The following FBN1 variants were observed in gnomAD, a reference collection of about 807,000 sequenced individuals.
FBN1 encodes fibrillin 1.
FBN1 carries 29 observed loss-of-function variants against 365.1 expected under a neutral mutation model. The ratio of observed to expected loss-of-function variants is 0.08; its 90% CI spans 0.06 to 0.11. The LOEUF is 0.11. Among genes scored for constraint, FBN1 ranks in the 10% least tolerant of loss-of-function variants. FBN1 has a pLI of 1.00. For missense variants in FBN1, 2,476 were observed against 3,703.2 expected (o/e 0.67, Z 8.60); for synonymous variants, 1,210 against 1,270.5 (o/e 0.95, Z 1.01).
Position 48,470,654 on chromosome 15 carries a change from C to G in FBN1, c.4439G>C (p.Arg1480Thr). Residue 1480 changes from arginine to threonine, a missense_variant, in exon 36 of 66, where the codon AGA (arginine) becomes ACA (threonine). Physicochemically the swap from Arg to Thr is moderately conservative, Grantham distance 71 (BLOSUM62 -1). Around this residue, in one of 5 missense-constraint regions of FBN1, gnomAD observed 1,780 missense variants for 2,840.8 expected, o/e 0.63. Transcript: ENST00000316623. ...CECEIGYELD[R>T]SGGNCTDVNE... Reference sequence around the variant, plus strand: ...CTTACCTGTGCAGTTCCCGCCGCTTCTGTCCAGTTCGTAGCCTATCTCACA... The same window carrying G: ...CTTACCTGTGCAGTTCCCGCCGCTTGTGTCCAGTTCGTAGCCTATCTCACA... The G allele has an allele frequency of 5.6e-6, 9 of 1,614,118 alleles. No homozygotes were observed. The highest frequency in any genetic ancestry group is 7.6e-6 in the Non-Finnish European group (9 of 1,180,022).
intron 6 of FBN1, among the ~76,000 whole-genome samples, chr15:48,542,364 GACAA>G (rs1028919442): frequency 4.1e-4 from 62 of 152,210 alleles, no homozygotes; most frequent in African/African-American, 1.4e-3. Context: ...TCATAAAAAT[GACAA>G]ACAAAAGAAT....
intron 32 of FBN1, among the ~76,000 whole-genome samples, 198 bp downstream of exon 32, chr15:48,481,457 A>G (rs2043464104): frequency 6.6e-6 from 1 of 152,208 alleles, no homozygotes; most frequent in South Asian, 2.1e-4. Flanking sequence ...ACAGGTCAAG[A>G]AAAAAACCTG....
intron 15 of FBN1, 102 bp downstream of exon 15, chr15:48,508,480 C>T: frequency 6.5e-7 from 1 of 1,532,730 alleles, no homozygotes. Context: ...ATTCAAGGTA[C>T]TTTAAGTGGG....
rs149873013 is a variant in FBN1, at chr15:48,516,203, T to A, written c.1307A>T (p.Tyr436Phe). Residue 436 changes from tyrosine (Y) to phenylalanine (F), a missense_variant, in exon 11 of 66, where the codon TAT becomes TTT. Coordinates refer to ENST00000316623, the MANE Select transcript of FBN1 (RefSeq NM_000138.5). ...PVPRPPVEYL[Y>F]PSREPPRVLP... ...CTTACTTGGTGGCTCCCGAGATGGATACAGATATTCCACTGGTGGTCGAGG... is the reference window on the plus strand; with the variant it reads ...CTTACTTGGTGGCTCCCGAGATGGAAACAGATATTCCACTGGTGGTCGAGG... 1.2e-6 allele frequency: 2 copies of A among 1,613,504 alleles called. No individual in the cohort carries two copies. The highest frequency in any genetic ancestry group is 2.7e-5 in the African/African-American group (2 of 74,800).
chr15:48,463,252 G>A lies in FBN1; in HGVS notation c.5066-12C>T, dbSNP rs531105331. 1.2e-4 allele frequency: 190 copies of A among 1,612,506 alleles called. No individual in the cohort carries two copies. Among genetic ancestry groups the A allele is most frequent in the Non-Finnish European group, 1.5e-4 (179 of 1,179,202 alleles). On this transcript the variant is annotated splice_polypyrimidine_tract_variant and intron_variant, in intron 41 of 65. Transcript: ENST00000316623. ...ACTTCTTCTCATATCTAGAAGGGAG[G>A]TAAAAAAAAGGATTGGAGGGTTGGT...
At chr15:48,478,567 A>AC (rs35181691) in intron 32 of FBN1, among the ~76,000 whole-genome samples, 13,510 of 152,164 alleles carry the variant, frequency 0.089, 1,375 homozygotes, top group East Asian at 0.32. Flanking sequence ...ATCAAAGATG[A>AC]CACCTAGCAG....
chr15:48,436,727 G>C (rs1381140848), intron 53 of FBN1, among the ~76,000 whole-genome samples: 4 of 152,110 alleles, frequency 2.6e-5, no homozygotes, highest in Non-Finnish European at 5.9e-5. Flanking sequence ...AGGCTGTAAG[G>C]TCCATGAAAG....
intron 6 of FBN1, among the ~76,000 whole-genome samples, chr15:48,546,357 T>C (rs1266180608): frequency 6.6e-6 from 1 of 152,216 alleles, no homozygotes; most frequent in African/African-American, 2.4e-5. Flanking sequence ...GTAAAAGTTA[T>C]CAGAAAAGAC....
chr15:48,643,078 C>T (rs190500984), intron 2 of FBN1: 34 of 152,312 alleles, frequency 2.2e-4, no homozygotes, highest in East Asian at 1.2e-3. Context: ...TAAATCCCCA[C>T]GTCCTTTATA....
At chr15:48,628,966 A>C (rs955664045) in intron 2 of FBN1, among the ~76,000 whole-genome samples, 1 of 152,248 alleles carries the variant, frequency 6.6e-6, no homozygotes, top group East Asian at 1.9e-4. Context: ...ATTCACAACA[A>C]ATACAGGGGA....
chr15:48,424,905 T>C (rs577834905), intron 60 of FBN1, among the ~76,000 whole-genome samples: 3 of 152,296 alleles, frequency 2.0e-5, no homozygotes, highest in Non-Finnish European at 4.4e-5. Flanking sequence ...AAATAGACTT[T>C]TTCTGCAGAA....
chr15:48,532,335 C>T (rs1314633889), intron 8 of FBN1, among the ~76,000 whole-genome samples: 3 of 152,072 alleles, frequency 2.0e-5, no homozygotes, highest in African/African-American at 7.2e-5. Context: ...CTGAGAAAGC[C>T]TAAAAGATAA....
chr15:48,610,310 G>T (rs572338971), intron 4 of FBN1, among the ~76,000 whole-genome samples: 27 of 152,252 alleles, frequency 1.8e-4, no homozygotes, highest in African/African-American at 6.3e-4. Flanking sequence ...TTGTAAAGCA[G>T]GGGTCTTGAG....
intron 5 of FBN1, among the ~76,000 whole-genome samples, chr15:48,598,819 G>C (rs948951999): frequency 6.6e-6 from 1 of 152,210 alleles, no homozygotes; most frequent in South Asian, 2.1e-4. Context: ...CAGTTTGGCT[G>C]TGTCACCACC....
intron 2 of FBN1, among the ~76,000 whole-genome samples, chr15:48,615,549 T>C (rs556448220): frequency 6.6e-6 from 1 of 152,228 alleles, no homozygotes; most frequent in East Asian, 1.9e-4. Context: ...TTTACTATAG[T>C]TACAAAAGAA....
At chr15:48,584,261 T>C (rs1009100531) in intron 6 of FBN1, among the ~76,000 whole-genome samples, 1 of 152,146 alleles carries the variant, frequency 6.6e-6, no homozygotes, top group African/African-American at 2.4e-5. Flanking sequence ...AAACTGTGCC[T>C]GAGAGACATG....
chr15:48,543,963 A>G (rs1262808948), intron 6 of FBN1, among the ~76,000 whole-genome samples: 1 of 151,862 alleles, frequency 6.6e-6, no homozygotes, highest in East Asian at 1.9e-4. Context: ...TATATTTTAC[A>G]TATTCTATAT....
chr15:48,635,539 T>C (rs918923847), intron 2 of FBN1, among the ~76,000 whole-genome samples: 3 of 152,144 alleles, frequency 2.0e-5, no homozygotes, highest in Non-Finnish European at 2.9e-5. Context: ...ATTTAAAAAA[T>C]TGAGGTGGAT....
chr15:48,589,900 G>T (rs1475711420), intron 6 of FBN1, among the ~76,000 whole-genome samples: 1 of 152,022 alleles, frequency 6.6e-6, no homozygotes, highest in East Asian at 1.9e-4. Context: ...ACAGGCGTGA[G>T]CCACCACGCC....
Sources: gnomAD v4.1 joint callset for allele counts (sites outside exome capture counted in the v4.1 genomes callset) on GRCh38, gnomAD v4.1.1 for gene constraint, gnomAD v4.1.1 regional missense constraint, MANE v1.5 for transcripts, NCBI Gene and HGNC (gene_info 2026-07-23, HGNC 2026-07-21) for gene names.